Variants in UBE3A observed in about 807,000 individuals in gnomAD.
UBE3A encodes ubiquitin protein ligase E3A, also known as ubiquitin-protein ligase E3A.
A neutral mutation model predicts 83.4 loss-of-function variants in UBE3A; 6 were observed. That is an observed-to-expected ratio of 0.07 (90% CI 0.04 to 0.14). UBE3A has a LOEUF of 0.14. Among genes scored for constraint, UBE3A ranks in the 10% least tolerant of loss-of-function variants. The pLI is 1.00. For missense variants in UBE3A, 456 were observed against 1,036.1 expected, an observed-to-expected ratio of 0.44 and a Z score of 7.69; for synonymous variants, 337 against 355.4, an observed-to-expected ratio of 0.95 and a Z score of 0.58.
intron 12 of UBE3A, chr15:25,339,574 G>A (rs2074384208): frequency 3.5e-6 from 1 of 284,946 alleles, no homozygotes; most frequent in Non-Finnish European, 6.7e-6. Flanking sequence ...GAGGACATCA[G>A]TAAATGCACT....
intron 4 of UBE3A, among the ~76,000 whole-genome samples, chr15:25,398,804 TATATATATATAAAA>T (rs1225275546): frequency 7.8e-5 from 6 of 77,164 alleles, no homozygotes; most frequent in Admixed American, 1.7e-4. Flanking sequence ...TATATATATA[TATATATATATAAAA>T]ATACATATAT....
At chr15:25,356,089 A>G (rs1384191816) in intron 8 of UBE3A, 33 bp from the exon 9 acceptor site, 1 of 1,606,974 alleles carries the variant, frequency 6.2e-7, no homozygotes, top group Admixed American at 1.7e-5. Context: ...TGAGGCCACC[A>G]TAGAACTACA....
rs760354074 is a variant in UBE3A, at chr15:25,354,364, A to G, written c.2343T>C (p.Ser781=). The G allele has an allele frequency of 3.7e-6, 6 of 1,613,466 alleles. No homozygotes were observed. Among genetic ancestry groups the G allele is most frequent in the East Asian group, 2.2e-5 (1 of 44,844 alleles). The change falls in exon 11 of 13, where the codon TCT becomes TCC. Residue 781 remains serine (S), a synonymous_variant. Coordinates refer to ENST00000648336, the MANE Select transcript of UBE3A (RefSeq NM_130839.5). ...ACTAAGTACCTCACCTAATCAGAACAGAGTCCCTGGTATAGCCACCGTCAT... is the reference window on the plus strand; with the variant it reads ...ACTAAGTACCTCACCTAATCAGAACGGAGTCCCTGGTATAGCCACCGTCAT... ...TEYDGGYTRD[S]VLIREFWEIV...
chr15:25,381,283 G>C (rs962819999), intron 4 of UBE3A, among the ~76,000 whole-genome samples: 3 of 152,090 alleles, frequency 2.0e-5, no homozygotes, highest in Non-Finnish European at 4.4e-5. Flanking sequence ...CTAAAAAAAT[G>C]AATTTACAAG....
intron 12 of UBE3A, chr15:25,339,502 C>T (rs2152509632): frequency 2.8e-6 from 1 of 357,262 alleles, no homozygotes. Context: ...TAACAGATAC[C>T]ATTTTAGGTA....
chr15:25,353,461 C>T (rs745854449), intron 11 of UBE3A, among the ~76,000 whole-genome samples: 38 of 152,114 alleles, frequency 2.5e-4, no homozygotes, highest in Non-Finnish European at 5.0e-4. Context: ...GAAAGTCAGC[C>T]CTCTGTATAT....
chr15:25,354,879 T>C (rs769643359), intron 9 of UBE3A, among the ~76,000 whole-genome samples, 196 bp from the exon 10 acceptor site: 11 of 152,026 alleles, frequency 7.2e-5, no homozygotes, highest in South Asian at 6.2e-4. Flanking sequence ...GAAAAGGCCA[T>C]ATACATAAAA....
intron 1 of UBE3A, among the ~76,000 whole-genome samples, chr15:25,435,803 A>G (rs943182793): frequency 5.9e-5 from 9 of 152,186 alleles, no homozygotes; most frequent in Non-Finnish European, 8.8e-5. Flanking sequence ...GGTAAACACT[A>G]GGAATTCCTG....
chr15:25,339,713 AAG>A, intron 12 of UBE3A: 1 of 327,372 alleles, frequency 3.1e-6, no homozygotes, highest in East Asian at 8.1e-5. Flanking sequence ...CAATATGACT[AAG>A]AAAATGATTT....
At chr15:25,398,820 T>TATATATATATAC (rs2086379411) in intron 4 of UBE3A, among the ~76,000 whole-genome samples, 4 of 127,148 alleles carry the variant, frequency 3.1e-5, no homozygotes, top group Admixed American at 8.1e-5. Context: ...TATATAAAAA[T>TATATATATATAC]ACATATATAT....
At chr15:25,346,606 AATGATTT>A (rs2075726243) in intron 11 of UBE3A, 1 of 152,228 alleles carries the variant, frequency 6.6e-6, no homozygotes, top group African/African-American at 2.4e-5. Flanking sequence ...CCATCAGAGA[AATGATTT>A]GACAAGCAAT....
At chr15:25,340,323 GAC>G in intron 11 of UBE3A, 95 bp from the exon 12 acceptor site, 1 of 1,425,662 alleles carries the variant, frequency 7.0e-7, no homozygotes, top group Non-Finnish European at 9.8e-7. Flanking sequence ...TATATTAAGA[GAC>G]AACTTGGAAG....
chr15:25,403,169 T>C (rs532599402), intron 4 of UBE3A, among the ~76,000 whole-genome samples: 1 of 152,228 alleles, frequency 6.6e-6, no homozygotes, highest in Non-Finnish European at 1.5e-5. Context: ...GTCTTTAATC[T>C]TAACTAGTCA....
intron 11 of UBE3A, among the ~76,000 whole-genome samples, chr15:25,342,727 A>T (rs969629612): frequency 2.0e-5 from 3 of 152,198 alleles, no homozygotes; most frequent in Non-Finnish European, 2.9e-5. Flanking sequence ...GGAAATGAGC[A>T]GGGTCCAGCA....
chr15:25,403,643 T>C (rs2087720336), intron 4 of UBE3A, among the ~76,000 whole-genome samples: 1 of 152,174 alleles, frequency 6.6e-6, no homozygotes, highest in African/African-American at 2.4e-5. Flanking sequence ...AAAAAGATAT[T>C]TGTACACTCC....
chr15:25,400,922 C>T (rs1259542660), intron 4 of UBE3A, among the ~76,000 whole-genome samples: 3 of 152,274 alleles, frequency 2.0e-5, no homozygotes, highest in East Asian at 1.9e-4. Context: ...TTCAGTATAA[C>T]GTTAGCAGTG....
intron 6 of UBE3A, among the ~76,000 whole-genome samples, chr15:25,362,951 C>T (rs2078364452): frequency 6.6e-6 from 1 of 152,120 alleles, no homozygotes; most frequent in African/African-American, 2.4e-5. Context: ...AGCTTTTCCC[C>T]ACTAACATTC....
At chr15:25,351,811 G>A (rs1029670807) in intron 11 of UBE3A, among the ~76,000 whole-genome samples, 3 of 152,170 alleles carry the variant, frequency 2.0e-5, no homozygotes, top group South Asian at 2.1e-4. Context: ...CTTTCCAAAT[G>A]TCCTTCCTTG....
Position 25,417,408 on chromosome 15 carries a change from T to C in UBE3A, c.-164-5437A>G, listed in dbSNP as rs937004767. On this transcript the variant is annotated intron_variant, in intron 1 of 12. Transcript: ENST00000648336. ...CAACAAAATATTACAATGTCCAGCATCCAATCTTAAAAAATCATTAAATAT... is the reference window on the plus strand; with the variant it reads ...CAACAAAATATTACAATGTCCAGCACCCAATCTTAAAAAATCATTAAATAT... Among the ~76,000 whole-genome samples the C allele has an allele frequency of 2.6e-5, 4 of 151,860 alleles. No homozygotes were observed. The South Asian group carries it at 8.3e-4, about 31-fold the overall frequency.
Sources: gnomAD v4.1 joint callset for allele counts (sites outside exome capture counted in the v4.1 genomes callset) on GRCh38, gnomAD v4.1.1 for gene constraint, MANE v1.5 for transcripts, NCBI Gene and HGNC (gene_info 2026-07-23, HGNC 2026-07-21) for gene names.